SPIN1: variants seen among roughly 807,000 people sequenced by gnomAD.
SPIN1 encodes the protein spindlin-1.
Under a neutral mutation model 26.0 loss-of-function variants are expected in SPIN1, and 3 were observed. That is an observed-to-expected ratio of 0.12 (90% CI 0.05 to 0.30). SPIN1 has a LOEUF of 0.30. Ranked by LOEUF, SPIN1 falls within the 10% of genes least tolerant of loss-of-function variation. SPIN1 has a pLI of 1.00. For synonymous variants in SPIN1, 101 were observed against 116.5 expected (o/e 0.87, Z 0.86); for missense variants, 126 against 333.4 (o/e 0.38, Z 4.84).
At chr9:88,411,892 G>T (rs1414977950) in intron 1 of SPIN1, among the ~76,000 whole-genome samples, 1 of 152,030 alleles carries the variant, frequency 6.6e-6, no homozygotes, top group Non-Finnish European at 1.5e-5. Flanking sequence ...CCCCGTTTGA[G>T]GCCGGGTGCG....
rs11142308 is a variant in SPIN1, at chr9:88,468,380, C to A, written c.364C>A (p.Arg122=). The A allele has an allele frequency of 1.3e-6, 2 of 1,544,480 alleles. No individual in the cohort carries two copies. The highest frequency in any genetic ancestry group is 8.7e-7 in the Non-Finnish European group (1 of 1,147,668). Residue 122 remains arginine, a synonymous_variant, in exon 5 of 6, where the codon CGA becomes AGA. Coordinates refer to ENST00000375859, the MANE Select transcript of SPIN1 (RefSeq NM_006717.3). ...EVLPDRVATS[R]ISDAHLADTM... ...TTTTTTTTAATCCCCAGCGACATCT[C>A]GAATCAGCGATGCACACTTGGCAGA...
chr9:88,388,801 C>T (rs1180509496), intron 1 of SPIN1, among the ~76,000 whole-genome samples: 2 of 150,404 alleles, frequency 1.3e-5, no homozygotes, highest in Non-Finnish European at 1.5e-5. Flanking sequence ...ATCCCCGCCG[C>T]CCCCCGCCAA....
intron 5 of SPIN1, among the ~76,000 whole-genome samples, chr9:88,473,643 T>TTGTGTGTG (rs113216961): frequency 0.033 from 3,917 of 119,310 alleles, 175 homozygotes; most frequent in African/African-American, 0.11. Context: ...TTCTCCAAAC[T>TTGTGTGTG]TGTGTGTGTG....
intron 5 of SPIN1, among the ~76,000 whole-genome samples, chr9:88,470,768 A>G (rs760777218): frequency 1.4e-4 from 22 of 151,770 alleles, no homozygotes; most frequent in Non-Finnish European, 2.9e-4. Flanking sequence ...TAATTTTTGT[A>G]TTTTTAGTGG....
At chr9:88,467,278 A>G (rs1828688050) in intron 4 of SPIN1, among the ~76,000 whole-genome samples, 1 of 152,198 alleles carries the variant, frequency 6.6e-6, no homozygotes, top group Non-Finnish European at 1.5e-5. Flanking sequence ...GTATCTGATT[A>G]AATCATACAA....
intron 1 of SPIN1, among the ~76,000 whole-genome samples, chr9:88,406,436 G>A (rs879899140): frequency 9.2e-5 from 14 of 151,720 alleles, no homozygotes; most frequent in Non-Finnish European, 2.1e-4. Flanking sequence ...GACTACAGGC[G>A]CCTGCCAACC....
rs941210153 is a variant in SPIN1 at position 88,393,469 on chromosome 9, T to C, written c.-159+4931T>C. Among the ~76,000 whole-genome samples the C allele has an allele frequency of 1.1e-4, 14 of 131,334 alleles. No individual in the cohort carries two copies. The East Asian group carries it at 2.9e-3, about 27-fold the overall frequency. The allele number at this position is 131,334 out of a possible 152,430, so 86.2% of individuals were successfully genotyped here. A position where few individuals can be genotyped will look rare whatever the true frequency, so the allele number is the denominator to read the frequency against. On this transcript the variant is annotated intron_variant, in intron 1 of 5. Transcript: ENST00000375859. ...GGTTTTTTTTTTTTTTTTTTTTTTT[T>C]TTTTGAGACGGAGTCTCCCTCTGTC...
Position 88,457,186 on chromosome 9 carries a change from T to G in SPIN1, c.102-5310T>G, listed in dbSNP as rs777503291. ...TTTGCTCTCTCTAGGTTGACCAGCTTCTTATGAGGGATAATTAAAAACACA... is the reference window on the plus strand; with the variant it reads ...TTTGCTCTCTCTAGGTTGACCAGCTGCTTATGAGGGATAATTAAAAACACA... On this transcript the variant is annotated intron_variant, in intron 3 of 5. Coordinates refer to ENST00000375859, the MANE Select transcript of SPIN1 (RefSeq NM_006717.3). Among the ~76,000 whole-genome samples the G allele has an allele frequency of 6.2e-4, 64 of 103,236 alleles. 2 individuals carry two copies. Among genetic ancestry groups the G allele is most frequent in the Non-Finnish European group, 7.8e-4 (41 of 52,322 alleles). 67.7% of individuals were successfully genotyped at this position (103,236 alleles called of 152,430 possible).
Position 88,475,035 on chromosome 9 carries a change from T to C in SPIN1, c.590-43T>C, listed in dbSNP as rs541466353. On this transcript the variant is annotated intron_variant, in intron 5 of 5. Coordinates refer to ENST00000375859, the MANE Select transcript of SPIN1 (RefSeq NM_006717.3). ...ATATCTAAAAATTGACTTAGAAATT[T>C]TCTCTCTCTCTCTTTTTTTTTTTTT... 618 of 1,341,672 alleles carry C rather than the reference T, an allele frequency of 4.6e-4. 4 individuals carry two copies. The South Asian group carries it at 9.5e-3, about 21-fold the overall frequency. The allele number at this position is 1,341,672 out of a possible 1,614,324, so 83.1% of individuals were successfully genotyped here.
intron 3 of SPIN1, 24 bp downstream of exon 3, chr9:88,449,013 T>C: frequency 6.2e-7 from 1 of 1,611,152 alleles, no homozygotes; most frequent in Non-Finnish European, 8.5e-7. Context: ...AAACTGGTTC[T>C]AGATAGTGTT....
At chr9:88,470,402 A>G (rs1466950535) in intron 5 of SPIN1, among the ~76,000 whole-genome samples, 1 of 152,188 alleles carries the variant, frequency 6.6e-6, no homozygotes. Flanking sequence ...GGCTAATTTT[A>G]AAAACGGAAA....
At chr9:88,441,431 A>G (rs190900454) in intron 2 of SPIN1, among the ~76,000 whole-genome samples, 1,013 of 93,332 alleles carry the variant, frequency 0.011, 11 homozygotes, top group Middle Eastern at 0.053. Flanking sequence ...GCGCGCGCCC[A>G]TGTGTGTGTA....
intron 2 of SPIN1, among the ~76,000 whole-genome samples, chr9:88,444,108 A>ATTT: frequency 6.6e-6 from 1 of 151,790 alleles, no homozygotes; most frequent in East Asian, 1.9e-4. Flanking sequence ...GAAGTTGTTG[A>ATTT]TTTTTTAAGT....
chr9:88,416,945 A>G lies in SPIN1; in HGVS notation c.-158-9437A>G, dbSNP rs1239705384. On this transcript the variant is annotated intron_variant, in intron 1 of 5. Coordinates refer to ENST00000375859, the MANE Select transcript of SPIN1 (RefSeq NM_006717.3). ...GCCTTGAATGAAATTTTCTACACATAGAAGAGTTGAAACTATAGCAGAATG... is the reference window on the plus strand; with the variant it reads ...GCCTTGAATGAAATTTTCTACACATGGAAGAGTTGAAACTATAGCAGAATG... Among the ~76,000 whole-genome samples the G allele has an allele frequency of 2.0e-5, 3 of 152,336 alleles. No homozygotes were observed. In the East Asian group the frequency reaches 5.8e-4, roughly 29 times the overall value.
At chr9:88,470,321 G>C (rs1472822963) in intron 5 of SPIN1, among the ~76,000 whole-genome samples, 2 of 152,090 alleles carry the variant, frequency 1.3e-5, no homozygotes, top group Non-Finnish European at 2.9e-5. Context: ...TTTCCTTTGG[G>C]TATATACCTA....
chr9:88,429,846 A>G lies in SPIN1; in HGVS notation c.52+3255A>G, dbSNP rs190952759. Among the ~76,000 whole-genome samples, 7 of 152,252 alleles carry G rather than the reference A, an allele frequency of 4.6e-5. No homozygotes were observed. In the East Asian group the frequency reaches 9.7e-4, roughly 21 times the overall value. ...TACTAGAGACCAGTCCCCATCCTGA[A>G]GCTGTCTCTGGTTATCCCATTAGCA... On this transcript the variant is annotated intron_variant, in intron 2 of 5. Transcript: ENST00000375859.
intron 1 of SPIN1, among the ~76,000 whole-genome samples, chr9:88,413,201 G>A (rs1288895452): frequency 4.0e-5 from 6 of 150,566 alleles, no homozygotes; most frequent in Non-Finnish European, 8.8e-5. Flanking sequence ...TGAGTAGCTC[G>A]CACTACAGGT....
chr9:88,472,443 A>C lies in SPIN1; in HGVS notation c.590-2635A>C, dbSNP rs138868797. On this transcript the variant is annotated intron_variant, in intron 5 of 5. Coordinates refer to ENST00000375859, the MANE Select transcript of SPIN1 (RefSeq NM_006717.3). ...GAGATGGCGTTTCACCATGTTGACC[A>C]GGCTGGTCTCGATCTCCTGACCTCA... Among the ~76,000 whole-genome samples the C allele has an allele frequency of 1.4e-3, 216 of 151,680 alleles. 1 individual carries two copies. The South Asian group carries it at 0.015, about 11-fold the overall frequency.
At chr9:88,406,755 T>C (rs957379255) in intron 1 of SPIN1, among the ~76,000 whole-genome samples, 3 of 152,164 alleles carry the variant, frequency 2.0e-5, no homozygotes, top group African/African-American at 7.2e-5. Flanking sequence ...TTGCCTTCTT[T>C]TAGATGCTTA....
Sources: gnomAD v4.1 joint callset for allele counts (sites outside exome capture counted in the v4.1 genomes callset) on GRCh38, gnomAD v4.1.1 for gene constraint, MANE v1.5 for transcripts, NCBI Gene and HGNC (gene_info 2026-07-23, HGNC 2026-07-21) for gene names.